ASIC2: variants seen among roughly 807,000 people sequenced by gnomAD.
ASIC2 encodes the protein acid sensing ion channel subunit 2.
A neutral mutation model predicts 57.3 loss-of-function variants in ASIC2; 25 were observed. That is an observed-to-expected ratio of 0.44 (90% confidence interval 0.32 to 0.61). The LOEUF is 0.61. Among genes scored for constraint, ASIC2 ranks in the 20% least tolerant of loss-of-function variants. The pLI is 0.06. For synonymous variants in ASIC2, 319 were observed against 307.5 expected (o/e 1.04, Z -0.39); for missense variants, 641 against 738.1 (o/e 0.87, Z 1.52).
chr17:33,567,861 T>G (rs1217391410), intron 1 of ASIC2, among the ~76,000 whole-genome samples: 1 of 152,106 alleles, frequency 6.6e-6, no homozygotes, highest in East Asian at 1.9e-4. Context: ...CATGCATTTT[T>G]TTTTTGGTCT....
chr17:33,398,655 C>G (rs1910169671), intron 1 of ASIC2, among the ~76,000 whole-genome samples: 1 of 152,022 alleles, frequency 6.6e-6, no homozygotes, highest in South Asian at 2.1e-4. Flanking sequence ...AGAATGAACT[C>G]CCTCACCCTT....
chr17:33,853,315 C>G (rs892229602), intron 1 of ASIC2, among the ~76,000 whole-genome samples: 6 of 152,244 alleles, frequency 3.9e-5, no homozygotes, highest in Admixed American at 2.6e-4. Flanking sequence ...GGAAGAAACT[C>G]CTGGGAGAAA....
At chr17:33,539,382 A>T (rs1478820549) in intron 1 of ASIC2, among the ~76,000 whole-genome samples, 1 of 152,220 alleles carries the variant, frequency 6.6e-6, no homozygotes, top group Non-Finnish European at 1.5e-5. Context: ...AGCACCTTCC[A>T]TGCTAACAGC....
At chr17:33,778,845 C>T (rs1376599933) in intron 1 of ASIC2, among the ~76,000 whole-genome samples, 1 of 152,190 alleles carries the variant, frequency 6.6e-6, no homozygotes, top group Non-Finnish European at 1.5e-5. Context: ...TTCTTCCCTT[C>T]CTCTGAATCT....
intron 5 of ASIC2, 33 bp downstream of exon 5, chr17:33,025,893 C>G: frequency 1.3e-6 from 2 of 1,569,818 alleles, no homozygotes; most frequent in Non-Finnish European, 1.7e-6. Context: ...GGCCCCCGGC[C>G]CCCATGATTC....
intron 1 of ASIC2, among the ~76,000 whole-genome samples, chr17:33,748,996 C>T (rs1031987768): frequency 3.3e-5 from 5 of 152,122 alleles, no homozygotes; most frequent in Non-Finnish European, 7.4e-5. Context: ...AGGGGGCCCT[C>T]GGCACAGCCT....
In ASIC2 at chr17:33,279,025, C is replaced by T. The variant is rs139692915; in HGVS notation, c.708+12383G>A. On this transcript the variant is annotated intron_variant, in intron 1 of 9. Transcript: ENST00000225823. The stretch of plus-strand genomic sequence containing the variant: ...CGTGGTTGAAAGGGTGGAAAGCATC[C>T]CTTTGCCTACAGATGATTTATATGG... Among the ~76,000 whole-genome samples, 352 of 152,204 alleles carry T rather than the reference C, an allele frequency of 2.3e-3. 2 individuals carry two copies. The highest frequency in any genetic ancestry group is 8.1e-3 in the African/African-American group (335 of 41,522).
At chr17:34,077,352 A>T (rs544962808) in intron 1 of ASIC2, among the ~76,000 whole-genome samples, 1 of 152,268 alleles carries the variant, frequency 6.6e-6, no homozygotes, top group South Asian at 2.1e-4. Context: ...AGCTGCGCTC[A>T]TGGTCCTTGT....
intron 1 of ASIC2, chr17:34,038,094 G>T: frequency 6.2e-7 from 1 of 1,613,200 alleles, no homozygotes; most frequent in East Asian, 2.2e-5. Flanking sequence ...ATCTTCGAAA[G>T]ACCAAAATCT....
In ASIC2 at chr17:33,674,183, G is replaced by A. The variant is rs188548738; in HGVS notation, c.555+481795C>T. Among the ~76,000 whole-genome samples the A allele has an allele frequency of 6.0e-3, 912 of 152,180 alleles. 12 individuals carry two copies. The highest frequency in any genetic ancestry group is 0.021 in the African/African-American group (874 of 41,512). On this transcript the variant is annotated intron_variant, in intron 1 of 9. Coordinates refer to the ASIC2 transcript ENST00000359872. ...GCTGGGATTACAGGCGTGAGCCACC[G>A]AGCCTGGCCCGTGTCTTTAGCAAGA...
At chr17:33,954,656 G>C (rs1417029054) in intron 1 of ASIC2, among the ~76,000 whole-genome samples, 1 of 152,228 alleles carries the variant, frequency 6.6e-6, no homozygotes, top group Non-Finnish European at 1.5e-5. Flanking sequence ...CCAAGGACAA[G>C]GGTAGCCTGA....
intron 1 of ASIC2, among the ~76,000 whole-genome samples, chr17:33,830,090 T>C (rs545186295): frequency 6.6e-6 from 1 of 152,316 alleles, no homozygotes; most frequent in African/African-American, 2.4e-5. Flanking sequence ...GTTTTAAAAA[T>C]AAATTATATT....
At chr17:33,101,617 A>G (rs1482491157) in intron 2 of ASIC2, among the ~76,000 whole-genome samples, 2 of 152,166 alleles carry the variant, frequency 1.3e-5, no homozygotes, top group Non-Finnish European at 2.9e-5. Flanking sequence ...ATCATATTAT[A>G]TTATCTGCAC....
chr17:33,841,061 A>G (rs984912649), intron 1 of ASIC2, among the ~76,000 whole-genome samples: 1 of 152,214 alleles, frequency 6.6e-6, no homozygotes, highest in Non-Finnish European at 1.5e-5. Flanking sequence ...CCTGAAAAAA[A>G]AAGACTCAAC....
intron 1 of ASIC2, among the ~76,000 whole-genome samples, chr17:33,342,880 G>A (rs1907782765): frequency 6.6e-6 from 1 of 152,160 alleles, no homozygotes; most frequent in Non-Finnish European, 1.5e-5. Flanking sequence ...GAATGGCCAG[G>A]ATAGAGCCAG....
chr17:33,539,248 T>G (rs1915330102), intron 1 of ASIC2, among the ~76,000 whole-genome samples: 1 of 152,252 alleles, frequency 6.6e-6, no homozygotes, highest in Admixed American at 6.5e-5. Context: ...AGATGCTTAT[T>G]GCTTGCAAAG....
chr17:33,079,604 A>C (rs1427372161), intron 3 of ASIC2, among the ~76,000 whole-genome samples: 2 of 152,038 alleles, frequency 1.3e-5, no homozygotes, highest in Admixed American at 6.5e-5. Flanking sequence ...GTTGCAGAGA[A>C]TGGGTTGGGG....
intron 1 of ASIC2, among the ~76,000 whole-genome samples, chr17:33,512,974 A>G (rs1039227326): frequency 6.6e-6 from 1 of 152,226 alleles, no homozygotes; most frequent in East Asian, 1.9e-4. Flanking sequence ...AACATGGTGA[A>G]CTTGGCTCCT....
intron 1 of ASIC2, among the ~76,000 whole-genome samples, chr17:33,967,485 T>C (rs936953879): frequency 1.3e-5 from 2 of 152,138 alleles, no homozygotes; most frequent in Non-Finnish European, 2.9e-5. Context: ...TCCACCCCCC[T>C]CAGCCTCCCA....
Sources: gnomAD v4.1 joint callset for allele counts (sites outside exome capture counted in the v4.1 genomes callset) on GRCh38, gnomAD v4.1.1 for gene constraint, MANE v1.5 for transcripts, NCBI Gene and HGNC (gene_info 2026-07-23, HGNC 2026-07-21) for gene names.